The following NRDC variants were observed in gnomAD, a reference collection of about 807,000 sequenced individuals.
The protein encoded by NRDC is nardilysin convertase.
In NRDC, 54 loss-of-function variants were observed where a neutral mutation model predicts 147.1. The ratio of observed to expected loss-of-function variants is 0.37; its 90% CI spans 0.29 to 0.46. NRDC has a LOEUF of 0.46. NRDC is among the 20% of genes least tolerant of loss of function. The pLI, the probability that NRDC is intolerant of heterozygous loss-of-function variation, is 1.00. For missense variants in NRDC, 1,082 were observed against 1,370.6 expected, an observed-to-expected ratio of 0.79 and a Z score of 3.33; for synonymous variants, 440 against 482.1, an observed-to-expected ratio of 0.91 and a Z score of 1.14.
chr1:51,871,844 G>A (rs1487894044), intron 1 of NRDC, among the ~76,000 whole-genome samples: 2 of 152,066 alleles, frequency 1.3e-5, no homozygotes, highest in African/African-American at 4.8e-5. Context: ...CCATCATTCA[G>A]TTCTTTAAAA....
intron 1 of NRDC, 70 bp downstream of exon 1, chr1:51,878,205 G>C (rs2124167675): frequency 6.6e-7 from 1 of 1,511,022 alleles, no homozygotes; most frequent in South Asian, 1.2e-5. Context: ...ATGGAGACAA[G>C]AAGTGACGGC....
chr1:51,790,587 C>A lies in NRDC; in HGVS notation c.3114G>T (p.Arg1038Ser). The change falls in exon 29 of 31, where the codon AGG becomes AGT. Residue 1038 changes from arginine (R) to serine (S), a missense_variant. By Grantham distance (110) the Arg-to-Ser change is moderately radical. Transcript: ENST00000352171. ...EDTHLGEEVD[R>S]NWNEVVTQQY... The stretch of plus-strand genomic sequence containing the variant: ...GCTGTGTAACCACTTCATTCCAGTT[C>A]CTATCCACCTCCTCCCCAAGGTGGG... The A allele has an allele frequency of 6.2e-7, 1 of 1,614,082 alleles. No individual in the cohort carries two copies. The highest frequency in any genetic ancestry group is 8.5e-7 in the Non-Finnish European group (1 of 1,179,940).
chr1:51,805,620 T>A (rs1403085738), intron 18 of NRDC, 59 bp from the exon 19 acceptor site: 4 of 1,026,652 alleles, frequency 3.9e-6, no homozygotes, highest in Admixed American at 5.0e-5. Flanking sequence ...TTTATACATC[T>A]GTTATTTTCC....
Position 51,811,996 on chromosome 1 carries a change from C to T in NRDC, c.1777G>A (p.Glu593Lys), listed in dbSNP as rs1466719731. 6.2e-7 allele frequency: 1 copy of T among 1,608,948 alleles called. No homozygotes were observed. The highest frequency in any genetic ancestry group is 1.3e-5 in the African/African-American group (1 of 74,820). Residue 593 changes from glutamate (E) to lysine (K), a missense_variant and splice_region_variant, in exon 15 of 31, where the codon GAA (glutamate) becomes AAA (lysine). Around this residue, in one of 3 missense-constraint regions of NRDC, gnomAD observed 635 missense variants for 923.8 expected, o/e 0.69. Coordinates refer to ENST00000352171, the MANE Select transcript of NRDC (RefSeq NM_001101662.2). The stretch of plus-strand genomic sequence containing the variant: ...TTTAGACGTATAAACCTCCTTACTT[C>T]TGGCTTGTATTCAAAAAGAAGCTGA... ...GDQLLFEYKP[E>K]VIGEALNQLV...
chr1:51,838,600 G>C (rs1466673825), intron 2 of NRDC, among the ~76,000 whole-genome samples: 1 of 151,958 alleles, frequency 6.6e-6, no homozygotes, highest in African/African-American at 2.4e-5. Context: ...GCTAAAATAG[G>C]CCTCAGAATT....
chr1:51,838,597 T>C (rs112773332), intron 2 of NRDC, among the ~76,000 whole-genome samples: 271 of 152,100 alleles, frequency 1.8e-3, no homozygotes, highest in Middle Eastern at 6.8e-3. Context: ...AGAGCTAAAA[T>C]AGGCCTCAGA....
chr1:51,870,587 CTACTT>C, intron 1 of NRDC, among the ~76,000 whole-genome samples: 1 of 152,248 alleles, frequency 6.6e-6, no homozygotes, highest in African/African-American at 2.4e-5. Flanking sequence ...ATTTCAATGA[CTACTT>C]TACAAATAAG....
intron 10 of NRDC, among the ~76,000 whole-genome samples, chr1:51,817,305 AC>A (rs963733586): frequency 1.2e-5 from 1 of 82,056 alleles, no homozygotes; most frequent in African/African-American, 4.5e-5. Flanking sequence ...CTTGAGCCCC[AC>A]CCCCCCTCCC....
At position 51,798,365 on chromosome 1, in the gene NRDC, C is replaced by A. The variant is rs1178068725; in HGVS notation, c.2488G>T (p.Asp830Tyr). The A allele has an allele frequency of 2.5e-6, 4 of 1,613,852 alleles. No individual in the cohort carries two copies. The highest frequency in any genetic ancestry group is 3.4e-6 in the Non-Finnish European group (4 of 1,179,964). Residue 830 changes from aspartate (D) to tyrosine (Y), a missense_variant, in exon 22 of 31, where the codon GAC becomes TAC. By Grantham distance (160) the Asp-to-Tyr change is radical. Coordinates refer to ENST00000352171, the MANE Select transcript of NRDC (RefSeq NM_001101662.2). The stretch of plus-strand genomic sequence containing the variant: ...CCGTCCATCAAAGCCTGGTACTTGT[C>A]AATCATAGACCAACGGGCATATTCC... ...ILEYARWSMI[D>Y]KYQALMDGLS... is the part of the protein sequence containing the mutation.
intron 1 of NRDC, among the ~76,000 whole-genome samples, chr1:51,862,735 G>A (rs992175140): frequency 1.3e-5 from 2 of 150,736 alleles, no homozygotes; most frequent in Non-Finnish European, 3.0e-5. Context: ...TAAAAAAAAG[G>A]CCAGGAGCAG....
intron 1 of NRDC, among the ~76,000 whole-genome samples, chr1:51,877,453 G>C (rs764447166): frequency 3.3e-5 from 5 of 152,086 alleles, no homozygotes; most frequent in Non-Finnish European, 7.4e-5. Context: ...CTAAGCCCAG[G>C]AGTTTGAAAT....
chr1:51,817,620 C>A (rs1438554011), intron 10 of NRDC, among the ~76,000 whole-genome samples: 1 of 152,138 alleles, frequency 6.6e-6, no homozygotes, highest in Non-Finnish European at 1.5e-5. Context: ...CAACTCACTG[C>A]AACCTCCACC....
At chr1:51,807,885 A>G (rs1679541481) in intron 17 of NRDC, among the ~76,000 whole-genome samples, 1 of 149,946 alleles carries the variant, frequency 6.7e-6, no homozygotes, top group African/African-American at 2.5e-5. Context: ...AACTCACTGC[A>G]ACCTCGGCCT....
rs553388170 is a variant in NRDC at position 51,811,330 on chromosome 1, T to C, written c.1779+664A>G. On this transcript the variant is annotated intron_variant, in intron 15 of 30. Coordinates refer to ENST00000352171, the MANE Select transcript of NRDC (RefSeq NM_001101662.2). ...TGGTAGGATCCTGCCTTCTGCATTATAGGACATTGAGCAGCATCCCTGGCT... is the reference window on the plus strand; with the variant it reads ...TGGTAGGATCCTGCCTTCTGCATTACAGGACATTGAGCAGCATCCCTGGCT... 7.2e-5 allele frequency among the ~76,000 whole-genome samples: 11 copies of C among 152,316 alleles called. No individual in the cohort carries two copies. In the South Asian group the frequency reaches 1.5e-3, roughly 20 times the overall value.
chr1:51,790,645 G>C lies in NRDC; in HGVS notation c.3056C>G (p.Thr1019Arg). ...LTEEAFNTQV[T>R]ALIKLKECED... is the part of the protein sequence containing the mutation. ...ACACTCCTTCAGCTTGATGAGAGCTGTGACCTGTTCCCACCAAAAAGAAAG... is the reference window on the plus strand; with the variant it reads ...ACACTCCTTCAGCTTGATGAGAGCTCTGACCTGTTCCCACCAAAAAGAAAG... Residue 1019 changes from threonine to arginine, a missense_variant, in exon 29 of 31, where the codon ACA (threonine) becomes AGA (arginine). By Grantham distance (71) the Thr-to-Arg change is moderately conservative. This residue lies in a region of NRDC where 187 missense variants were observed against 193.6 expected (regional missense o/e 0.97). Transcript: ENST00000352171. 2 of 1,608,206 alleles carry C rather than the reference G, an allele frequency of 1.2e-6. No homozygotes were observed. The highest frequency in any genetic ancestry group is 1.7e-6 in the Non-Finnish European group (2 of 1,174,638).
chr1:51,798,481 G>A lies in NRDC; in HGVS notation c.2442-70C>T, dbSNP rs1191942176. The A allele has an allele frequency of 8.2e-6, 11 of 1,342,210 alleles. No individual in the cohort carries two copies. The African/African-American group carries it at 1.0e-4, about 13-fold the overall frequency. 83.1% of individuals were successfully genotyped at this position (1,342,210 alleles called of 1,614,324 possible). Reference sequence around the variant, plus strand: ...AAATGAATCTTCAGAATAAAGAAATGTTTGGTCAAAGTTCTATAAAGGATG... The same window carrying A: ...AAATGAATCTTCAGAATAAAGAAATATTTGGTCAAAGTTCTATAAAGGATG... On this transcript the variant is annotated intron_variant, in intron 21 of 30. Transcript: ENST00000352171.
chr1:51,828,929 A>G (rs1680578597), intron 4 of NRDC, among the ~76,000 whole-genome samples: 1 of 152,064 alleles, frequency 6.6e-6, no homozygotes, highest in Non-Finnish European at 1.5e-5. Flanking sequence ...TATATTGCTC[A>G]GGCTTCTTTA....
rs772500245 is a variant in NRDC at position 51,814,541 on chromosome 1, T to G, written c.1619+10A>C. ...TGGCTCCTGGCCTCATTCCAGGAAG[T>G]GTTTATTACCTTTTTTCTGGGCCTA... On this transcript the variant is annotated intron_variant, in intron 13 of 30. Coordinates refer to ENST00000352171, the MANE Select transcript of NRDC (RefSeq NM_001101662.2). The G allele has an allele frequency of 6.2e-7, 1 of 1,612,214 alleles. No individual in the cohort carries two copies. The highest frequency in any genetic ancestry group is 8.5e-7 in the Non-Finnish European group (1 of 1,178,490).
At chr1:51,825,499 C>T (rs1680405466) in intron 5 of NRDC, 117 bp from the exon 6 acceptor site, 10 of 780,304 alleles carry the variant, frequency 1.3e-5, no homozygotes, top group African/African-American at 5.4e-5. Flanking sequence ...TCATGAATCA[C>T]GTGTTATAAG....
Sources: gnomAD v4.1 joint callset for allele counts (sites outside exome capture counted in the v4.1 genomes callset) on GRCh38, gnomAD v4.1.1 for gene constraint, gnomAD v4.1.1 regional missense constraint, MANE v1.5 for transcripts, NCBI Gene and HGNC (gene_info 2026-07-23, HGNC 2026-07-21) for gene names.